The following RBM4 variants were observed in gnomAD, a reference collection of about 807,000 sequenced individuals.
RBM4 encodes the protein RNA binding motif protein 4, also known as RNA-binding protein 4.
A neutral mutation model predicts 29.5 loss-of-function variants in RBM4; 7 were observed. The ratio of observed to expected loss-of-function variants is 0.24; its 90% CI spans 0.14 to 0.45. The LOEUF (loss-of-function observed/expected upper bound fraction) is 0.45, where lower values mean the gene tolerates loss of function less well. RBM4 is among the 20% of genes least tolerant of loss of function. The pLI is 1.00. For synonymous variants in RBM4, 220 were observed against 205.4 expected, an observed-to-expected ratio of 1.07 and a Z score of -0.61; for missense variants, 387 against 502.3, an observed-to-expected ratio of 0.77 and a Z score of 2.19.
At chr11:66,652,672 G>T (rs1473684002) in intron 2 of RBM4, among the ~76,000 whole-genome samples, 1 of 152,116 alleles carries the variant, frequency 6.6e-6, no homozygotes, top group Non-Finnish European at 1.5e-5. Context: ...ATAGGGACTC[G>T]TGTTACTTTA....
At chr11:66,640,252 G>C (rs1010201097) in intron 2 of RBM4, 129 bp downstream of exon 2, 5 of 1,244,316 alleles carry the variant, frequency 4.0e-6, no homozygotes, top group South Asian at 3.9e-5. Flanking sequence ...ATAAGTGTGG[G>C]TGATGGACTT....
chr11:66,663,971 T>C (rs1939143052), intron 2 of RBM4, among the ~76,000 whole-genome samples: 1 of 152,010 alleles, frequency 6.6e-6, no homozygotes, highest in Non-Finnish European at 1.5e-5. Flanking sequence ...TCTGGCTAAC[T>C]TCCTACCACC....
intron 3 of RBM4, 169 bp downstream of exon 3, chr11:66,644,309 A>G (rs1034373004): frequency 1.6e-5 from 15 of 954,080 alleles, no homozygotes; most frequent in Non-Finnish European, 2.1e-5. Flanking sequence ...TTTAAAATAC[A>G]TAGAGTTCCT....
intron 2 of RBM4, among the ~76,000 whole-genome samples, chr11:66,652,852 C>A (rs895925559): frequency 1.3e-5 from 2 of 152,132 alleles, no homozygotes; most frequent in African/African-American, 4.8e-5. Flanking sequence ...ACATACAACC[C>A]CACCCGCACC....
chr11:66,660,203 C>A (rs1215390197), intron 2 of RBM4, among the ~76,000 whole-genome samples: 1 of 144,366 alleles, frequency 6.9e-6, no homozygotes, highest in Non-Finnish European at 1.5e-5. Flanking sequence ...AACTTCAGGT[C>A]TTAGCTTCAG....
At chr11:66,653,486 C>G (rs187290778) in intron 2 of RBM4, among the ~76,000 whole-genome samples, 1 of 151,772 alleles carries the variant, frequency 6.6e-6, no homozygotes, top group Admixed American at 6.6e-5. Flanking sequence ...CTCAGCCTTC[C>G]GAGTAGCTGG....
At chr11:66,663,839 A>G (rs2135220961) in intron 2 of RBM4, among the ~76,000 whole-genome samples, 1 of 152,154 alleles carries the variant, frequency 6.6e-6, no homozygotes, top group Admixed American at 6.5e-5. Context: ...TTTCTGATGC[A>G]GGGCTTACTC....
At chr11:66,646,522 G>A (rs1938699419), downstream of RBM4, 4 of 988,508 alleles carry the variant, frequency 4.0e-6, no homozygotes, top group African/African-American at 1.7e-5. Context: ...GGGTTCATTT[G>A]TACCTTGAAG....
At chr11:66,654,668 AGTTTTGATT>A (rs1246200229) in intron 2 of RBM4, among the ~76,000 whole-genome samples, 1 of 137,834 alleles carries the variant, frequency 7.3e-6, no homozygotes. Flanking sequence ...CGCCCAGCTC[AGTTTTGATT>A]AATTTTGTTT....
At chr11:66,644,566 GTGAAAGTTC>G (rs1938607331) in intron 3 of RBM4, 5 of 502,342 alleles carry the variant, frequency 1.0e-5, no homozygotes, top group Non-Finnish European at 1.3e-5. Flanking sequence ...TTTGTGCTGT[GTGAAAGTTC>G]TGATATGACC....
At chr11:66,660,901 C>G (rs1295115819) in intron 2 of RBM4, among the ~76,000 whole-genome samples, 1 of 152,102 alleles carries the variant, frequency 6.6e-6, no homozygotes, top group Admixed American at 6.6e-5. Context: ...GTGATCCACC[C>G]GACTCGGCCT....
In RBM4 at chr11:66,642,127, T is replaced by C. The variant is rs575670743; in HGVS notation, c.413-1323T>C. Among the ~76,000 whole-genome samples, 4 of 152,364 alleles carry C rather than the reference T, an allele frequency of 2.6e-5. No homozygotes were observed. The South Asian group carries it at 8.3e-4, about 32-fold the overall frequency. The stretch of plus-strand genomic sequence containing the variant: ...ATAACCTGCAACCTAAACTTCCAGC[T>C]GTGTAGACCTCCTTGATATTTTGTT... On this transcript the variant is annotated intron_variant, in intron 2 of 3. Coordinates refer to ENST00000310092, the MANE Select transcript of RBM4 (RefSeq NM_002896.4).
chr11:66,653,166 T>C (rs1938868313), intron 2 of RBM4, among the ~76,000 whole-genome samples: 1 of 152,132 alleles, frequency 6.6e-6, no homozygotes, highest in South Asian at 2.1e-4. Context: ...CAAACTGAGT[T>C]TGGGGCTTCC....
chr11:66,643,902 G>A lies in RBM4; in HGVS notation c.865G>A (p.Ala289Thr). The A allele has an allele frequency of 6.2e-7, 1 of 1,611,250 alleles. No homozygotes were observed. Among genetic ancestry groups the A allele is most frequent in the South Asian group, 1.1e-5 (1 of 91,000 alleles). The change falls in exon 3 of 4, where the codon GCA becomes ACA. Residue 289 changes from alanine to threonine, a missense_variant. Transcript: ENST00000310092. The surrounding 1 kb of genome is among the most constrained non-coding windows in gnomAD (Gnocchi z 6.1). ...TSGAAATAAA[A>T]AAAAAAVTAA... is the part of the protein sequence containing the mutation. ...AGGAGCTGCTGCCACAGCTGCTGCT[G>A]CAGCAGCAGCCGCTGCTGCTGTTAC... is the stretch of plus-strand genomic sequence containing the variant.
intron 3 of RBM4, chr11:66,644,787 G>A (rs1938620571): frequency 1.2e-6 from 1 of 814,300 alleles, no homozygotes; most frequent in Admixed American, 6.2e-5. Context: ...CTTTTATAAA[G>A]TTCCACAAGG....
At chr11:66,658,633 T>C (rs1939007518) in intron 2 of RBM4, among the ~76,000 whole-genome samples, 3 of 152,018 alleles carry the variant, frequency 2.0e-5, no homozygotes, top group Admixed American at 6.6e-5. Flanking sequence ...CAAATACCTA[T>C]GGGATTTAAA....
At chr11:66,666,358 G>C (rs544137049) in exon 3 of RBM4, 4 of 1,010,612 alleles carry the variant, frequency 4.0e-6, no homozygotes, top group Non-Finnish European at 4.7e-6. Flanking sequence ...GACGTTCTTG[G>C]ATCAGTTCTG....
At chr11:66,666,019 C>A in exon 3 of RBM4, 2 of 1,392,644 alleles carry the variant, frequency 1.4e-6, no homozygotes, top group Admixed American at 2.2e-5. Context: ...TTTAATCTTT[C>A]ACAGTAAACA....
chr11:66,641,248 T>C (rs1938449332), intron 2 of RBM4: 1 of 152,238 alleles, frequency 6.6e-6, no homozygotes, highest in African/African-American at 2.4e-5. Flanking sequence ...GACAGTGTAG[T>C]TTGCCGATTC....
Sources: allele counts gnomAD v4.1 joint callset (sites outside exome capture counted in the v4.1 genomes callset), GRCh38; gene constraint gnomAD v4.1.1; non-coding constraint Gnocchi (gnomAD v3.1); transcripts MANE v1.5; gene names NCBI Gene and HGNC (gene_info 2026-07-23, HGNC 2026-07-21).